Variants in SLC11A2 observed in about 807,000 individuals in gnomAD.
The protein encoded by SLC11A2 is solute carrier family 11 member 2, also known as natural resistance-associated macrophage protein 2.
In SLC11A2, 38 loss-of-function variants were observed where a neutral mutation model predicts 68.0. The ratio of observed to expected loss-of-function variants is 0.56; its 90% CI spans 0.43 to 0.73. The LOEUF is 0.73. Among genes scored for constraint, SLC11A2 ranks in the 30% least tolerant of loss-of-function variants. The pLI is 0.00. For synonymous variants in SLC11A2, 242 were observed against 250.6 expected (o/e 0.97, Z 0.32); for missense variants, 517 against 690.5 (o/e 0.75, Z 2.82).
chr12:50,974,526 T>C (rs1258269209), downstream of SLC11A2, among the ~76,000 whole-genome samples: 3 of 152,280 alleles, frequency 2.0e-5, no homozygotes, highest in South Asian at 2.1e-4. Context: ...TACCAGCCAC[T>C]GCAAAAACAT....
the SLC11A2 span, among the ~76,000 whole-genome samples, chr12:50,970,785 C>T: frequency 8.3e-4 from 127 of 152,194 alleles, 2 homozygotes; most frequent in East Asian, 0.017. Context: ...AAATAATCTG[C>T]CACTAATCTG....
At chr12:50,958,034 G>C in the SLC11A2 span, among the ~76,000 whole-genome samples, 1 of 149,274 alleles carries the variant, frequency 6.7e-6, no homozygotes, top group Non-Finnish European at 1.5e-5. Context: ...CCGAACTTCT[G>C]ACCTCAAGTG....
downstream of SLC11A2, chr12:50,980,054 C>T (rs1434161363): frequency 1.7e-5 from 7 of 408,990 alleles, no homozygotes; most frequent in Non-Finnish European, 2.4e-5. Context: ...GGTGAAATCC[C>T]GTCTCTACAA....
intron 1 of SLC11A2, among the ~76,000 whole-genome samples, chr12:51,020,250 G>T (rs1943948922): frequency 6.6e-6 from 1 of 150,878 alleles, no homozygotes; most frequent in Non-Finnish European, 1.5e-5. Flanking sequence ...TAAAGGTGGG[G>T]TCTTGCTATG....
At chr12:50,965,816 T>C in the SLC11A2 span, among the ~76,000 whole-genome samples, 2 of 152,188 alleles carry the variant, frequency 1.3e-5, no homozygotes, top group Admixed American at 6.5e-5. Flanking sequence ...GAAGGAAGAC[T>C]TACATCTATT....
upstream of SLC11A2, among the ~76,000 whole-genome samples, chr12:51,027,915 AGTGGG>A (rs1360959862): frequency 5.4e-4 from 74 of 136,518 alleles, 2 homozygotes; most frequent in East Asian, 0.011. Flanking sequence ...ACCAAAAAAA[AGTGGG>A]GGGGGGGGGC....
At chr12:50,991,501 C>G (rs1012978238) in intron 14 of SLC11A2, 98 bp downstream of exon 14, 3 of 905,134 alleles carry the variant, frequency 3.3e-6, no homozygotes, top group Non-Finnish European at 5.4e-6. Flanking sequence ...CAAAGCATAT[C>G]GCTTCCCTCT....
In SLC11A2 at chr12:51,020,258, A is replaced by C. The variant is rs1222844789; in HGVS notation, c.-39+6052T>G. ...TTTTTTGTAAAGGTGGGGTCTTGCT[A>C]TGTTACTCAGGCTGGTCTCAAACTC... On this transcript the variant is annotated intron_variant, in intron 1 of 15. Coordinates refer to ENST00000262052, the MANE Select transcript of SLC11A2 (RefSeq NM_000617.3). Among the ~76,000 whole-genome samples the C allele has an allele frequency of 7.5e-5, 11 of 146,402 alleles. No individual in the cohort carries two copies. The East Asian group carries it at 1.8e-3, about 24-fold the overall frequency.
intron 10 of SLC11A2, chr12:50,994,961 T>C (rs1021382711): frequency 5.9e-6 from 2 of 341,464 alleles, no homozygotes; most frequent in Non-Finnish European, 1.1e-5. Flanking sequence ...GAATCCTCAG[T>C]CAAAGCAGAC....
intron 5 of SLC11A2, among the ~76,000 whole-genome samples, chr12:51,000,828 A>G (rs1360122067): frequency 6.6e-6 from 1 of 152,212 alleles, no homozygotes; most frequent in Non-Finnish European, 1.5e-5. Context: ...GCAGAAGAAC[A>G]TATCTATCCT....
chr12:50,997,067 A>G, intron 8 of SLC11A2, 95 bp from the exon 9 acceptor site: 1 of 949,720 alleles, frequency 1.1e-6, no homozygotes, highest in Non-Finnish European at 1.7e-6. Flanking sequence ...ATCCCTTACA[A>G]TGCCTTCTTC....
At chr12:50,996,542 C>A (rs1422604988) in intron 9 of SLC11A2, among the ~76,000 whole-genome samples, 1 of 150,692 alleles carries the variant, frequency 6.6e-6, no homozygotes, top group African/African-American at 2.4e-5. Flanking sequence ...CGCCACTGCA[C>A]TCCAGCCTGG....
chr12:51,016,740 G>A (rs893220524), intron 1 of SLC11A2, among the ~76,000 whole-genome samples: 3 of 150,734 alleles, frequency 2.0e-5, no homozygotes, highest in Non-Finnish European at 3.0e-5. Flanking sequence ...CCAGCTACTG[G>A]GGAGGCTGAG....
Position 50,999,360 on chromosome 12 carries a change from A to G in SLC11A2, c.592T>C (p.Phe198Leu). The G allele has an allele frequency of 1.2e-6, 2 of 1,614,016 alleles. No individual in the cohort carries two copies. The highest frequency in any genetic ancestry group is 2.2e-5 in the South Asian group (2 of 91,078). ...ITIADTFVFL[F>L]LDKYGLRKLE... ...CTCTCCTTACCATATTTGTCCAAGA[A>G]GAGAAATACAAAAGTATCTGCAATG... Residue 198 changes from phenylalanine (F) to leucine (L), a missense_variant, in exon 7 of 16, where the codon TTC (phenylalanine) becomes CTC (leucine). Coordinates refer to ENST00000262052, the MANE Select transcript of SLC11A2 (RefSeq NM_000617.3).
chr12:50,959,211 C>T, the SLC11A2 span, among the ~76,000 whole-genome samples: 1 of 152,034 alleles, frequency 6.6e-6, no homozygotes, highest in Non-Finnish European at 1.5e-5. Context: ...CCTCTGCCTC[C>T]CGGGTTCAAG....
chr12:51,005,227 C>T lies in SLC11A2; in HGVS notation c.309+84G>A, dbSNP rs1004403689. The T allele has an allele frequency of 1.3e-5, 19 of 1,447,806 alleles. No individual in the cohort carries two copies. In the African/African-American group the frequency reaches 2.7e-4, roughly 20 times the overall value. 89.7% of individuals were successfully genotyped at this position (1,447,806 alleles called of 1,614,324 possible). ...AAGTATCTGCATGTAGCCCCTGAGG[C>T]TACTATCCAACATGCAGGGTGGAGA... On this transcript the variant is annotated intron_variant, in intron 4 of 15. Coordinates refer to ENST00000262052, the MANE Select transcript of SLC11A2 (RefSeq NM_000617.3).
intron 1 of SLC11A2, among the ~76,000 whole-genome samples, chr12:51,015,476 T>TA (rs1336011962): frequency 7.0e-5 from 10 of 142,646 alleles, no homozygotes; most frequent in Non-Finnish European, 1.2e-4. Flanking sequence ...CTCCATCTTA[T>TA]AAAAAATAAA....
chr12:50,997,378 T>G (rs1485352152), intron 8 of SLC11A2, among the ~76,000 whole-genome samples: 1 of 152,172 alleles, frequency 6.6e-6, no homozygotes, highest in Non-Finnish European at 1.5e-5. Flanking sequence ...CTTAGATATA[T>G]GAAACAGATG....
At chr12:51,019,096 G>A (rs530129307) in intron 1 of SLC11A2, among the ~76,000 whole-genome samples, 1 of 152,256 alleles carries the variant, frequency 6.6e-6, no homozygotes, top group Admixed American at 6.5e-5. Context: ...AAGCTACATG[G>A]CAAAGCCACC....
Sources: allele counts gnomAD v4.1 joint callset (sites outside exome capture counted in the v4.1 genomes callset), GRCh38; gene constraint gnomAD v4.1.1; transcripts MANE v1.5; gene names NCBI Gene and HGNC (gene_info 2026-07-23, HGNC 2026-07-21).